Variants in TCIRG1 observed in about 807,000 individuals in gnomAD.
TCIRG1 encodes T cell immune regulator 1, ATPase H+ transporting V0 subunit a3, also known as V-type proton ATPase 116 kDa subunit a 3.
In TCIRG1, 86 loss-of-function variants were observed where a neutral mutation model predicts 95.5. The observed-to-expected ratio is 0.90, with a 90% CI of 0.76 to 1.08. The LOEUF (loss-of-function observed/expected upper bound fraction) is 1.08, where lower values mean the gene tolerates loss of function less well. Among genes scored for constraint, TCIRG1 ranks in the 50% least tolerant of loss-of-function variants. TCIRG1 has a pLI of 0.00. For synonymous variants in TCIRG1, 499 were observed against 501.3 expected, an observed-to-expected ratio of 1.00 and a Z score of 0.06; for missense variants, 1,069 against 1,140.2, an observed-to-expected ratio of 0.94 and a Z score of 0.90.
chr11:68,047,591 G>A lies in TCIRG1; in HGVS notation c.1305+19G>A, dbSNP rs1855567553. On this transcript the variant is annotated intron_variant, in intron 11 of 19. Transcript: ENST00000265686. The stretch of plus-strand genomic sequence containing the variant: ...GAACGAGGTGAGGGGCGGGGCTGGG[G>A]TCCTGATGAGGGTAGCAGGGCCAGG... 1.2e-6 allele frequency: 2 copies of A among 1,613,262 alleles called. No homozygotes were observed. Among genetic ancestry groups the A allele is most frequent in the Non-Finnish European group, 1.7e-6 (2 of 1,179,970 alleles).
chr11:68,050,903 C>T, downstream of TCIRG1: 5 of 1,446,542 alleles, frequency 3.5e-6, no homozygotes, highest in South Asian at 5.9e-5. Flanking sequence ...GCAGTGATGT[C>T]TCGTCTCTCT....
At chr11:68,043,793 C>T (rs779618775) in intron 7 of TCIRG1, 21 bp from the exon 8 acceptor site, 19 of 1,554,840 alleles carry the variant, frequency 1.2e-5, no homozygotes, top group East Asian at 2.4e-5. Context: ...TGGCCCCTCA[C>T]GCAGCGCATC....
chr11:68,049,417 A>G, intron 15 of TCIRG1, 123 bp downstream of exon 15: 1 of 1,130,336 alleles, frequency 8.8e-7, no homozygotes, highest in Non-Finnish European at 1.2e-6. Flanking sequence ...GGCCGTGCAG[A>G]CAGGGCCGTC....
intron 10 of TCIRG1, among the ~76,000 whole-genome samples, chr11:68,047,218 C>T (rs1283955874): frequency 7.3e-6 from 1 of 136,972 alleles, no homozygotes; most frequent in Non-Finnish European, 1.5e-5. Flanking sequence ...ACCGTGTGGG[C>T]CAGGCTGGTC....
chr11:68,053,732 G>C (rs1313350791), downstream of TCIRG1: 1 of 400,362 alleles, frequency 2.5e-6, no homozygotes. Context: ...TAGATTAAAA[G>C]GATTCAGAGA....
intron 13 of TCIRG1, 98 bp from the exon 14 acceptor site, chr11:68,048,781 G>A: frequency 2.1e-6 from 2 of 947,404 alleles, no homozygotes; most frequent in African/African-American, 1.6e-5. Context: ...GCTCCGAGGG[G>A]GAAAACAGGG....
At chr11:68,048,055 C>T (rs953586383) in intron 13 of TCIRG1, 83 bp downstream of exon 13, 15 of 1,258,596 alleles carry the variant, frequency 1.2e-5, no homozygotes, top group Non-Finnish European at 1.7e-5. Flanking sequence ...AGCCGTCCTG[C>T]AGCGCTGTCG....
rs1397166053 is a variant in TCIRG1 at position 68,047,444 on chromosome 11, A to G, written c.1177A>G (p.Ile393Val). Residue 393 changes from isoleucine (I) to valine (V), a missense_variant, in exon 11 of 20, where the codon ATC (isoleucine) becomes GTC (valine). Coordinates refer to ENST00000265686, the MANE Select transcript of TCIRG1 (RefSeq NM_006019.4). ...ACCTCTGCCCACAGCTCCCTACACCATCATCACCTTCCCCTTCCTGTTTGC... is the reference window on the plus strand; with the variant it reads ...ACCTCTGCCCACAGCTCCCTACACCGTCATCACCTTCCCCTTCCTGTTTGC... ...YQEVNPAPYT[I>V]ITFPFLFAVM... 4 of 1,613,860 alleles carry G rather than the reference A, an allele frequency of 2.5e-6. No individual in the cohort carries two copies. The highest frequency in any genetic ancestry group is 1.3e-5 in the African/African-American group (1 of 74,968).
At chr11:68,048,203 C>A in intron 13 of TCIRG1, 1 of 620,614 alleles carries the variant, frequency 1.6e-6, no homozygotes, top group Non-Finnish European at 2.9e-6. Context: ...CCTGAGTGTG[C>A]AGAGGCAAAG....
At chr11:68,051,173 ACT>A (rs750526085), downstream of TCIRG1, among the ~76,000 whole-genome samples, 22 of 151,952 alleles carry the variant, frequency 1.4e-4, no homozygotes, top group Non-Finnish European at 2.2e-4. Context: ...TGTCTGGGTT[ACT>A]CTCTGTTGGG....
chr11:68,042,725 C>T lies in TCIRG1; in HGVS notation c.279C>T (p.Asp93=), dbSNP rs1317016558. The stretch of plus-strand genomic sequence containing the variant: ...GGCTGCCGGCACCCCCACCCCGGGA[C>T]CTGCTGCGCATCCAGGAGGAGACGG... ...KGRLPAPPPR[D]LLRIQEETER... is the part of the protein sequence containing the mutation. Residue 93 remains aspartate (D), a synonymous_variant, in exon 4 of 20, where the codon GAC becomes GAT. Transcript: ENST00000265686. The T allele has an allele frequency of 2.6e-6, 4 of 1,546,776 alleles. No homozygotes were observed. Among genetic ancestry groups the T allele is most frequent in the Non-Finnish European group, 3.5e-6 (4 of 1,146,066 alleles).
Position 68,039,112 on chromosome 11 carries a change from C to T in TCIRG1, c.-12C>T, listed in dbSNP as rs1054406741. 2 of 152,382 alleles carry T rather than the reference C, an allele frequency of 1.3e-5. No homozygotes were observed. Among genetic ancestry groups the T allele is most frequent in the Non-Finnish European group, 2.9e-5 (2 of 68,182 alleles). The allele number at this position is 152,382 out of a possible 1,614,324, so 9.4% of individuals were successfully genotyped here. On this transcript the variant is annotated 5_prime_UTR_variant, in exon 1 of 20. Transcript: ENST00000265686. ...AGCAGCGGAGGCGCGGCGCGCAGCACACCCGGGGTGAGTGCCCCTGCCGGG... is the reference window on the plus strand; with the variant it reads ...AGCAGCGGAGGCGCGGCGCGCAGCATACCCGGGGTGAGTGCCCCTGCCGGG...
chr11:68,044,296 C>G lies in TCIRG1; in HGVS notation c.972C>G (p.Cys324Trp). 1.2e-6 allele frequency: 2 copies of G among 1,604,636 alleles called. No homozygotes were observed. Among genetic ancestry groups the G allele is most frequent in the Admixed American group, 3.4e-5 (2 of 59,054 alleles). The change falls in exon 9 of 20, where the codon TGC (cysteine) becomes TGG (tryptophan). Residue 324 changes from cysteine to tryptophan, a missense_variant. Coordinates refer to ENST00000265686, the MANE Select transcript of TCIRG1 (RefSeq NM_006019.4). ...AGTGCCTCATTGCCGAGGCCTGGTGCTCTGTGCGAGACCTGCCCGCCCTGC... is the reference window on the plus strand; with the variant it reads ...AGTGCCTCATTGCCGAGGCCTGGTGGTCTGTGCGAGACCTGCCCGCCCTGC... ...THKCLIAEAW[C>W]SVRDLPALQE...
chr11:68,048,806 C>T, intron 13 of TCIRG1, 73 bp from the exon 14 acceptor site: 1 of 1,106,828 alleles, frequency 9.0e-7, no homozygotes, highest in Non-Finnish European at 1.4e-6. Flanking sequence ...GAGAGAGTGA[C>T]TCGGGCCGGG....
rs1023904769 is a variant in TCIRG1 at position 68,049,797 on chromosome 11, G to A, written c.2013+9G>A. ...GGCCCGCTGACCGACAGGTGGGACC[G>A]GGGCCTAAGGTGTGGGGGGCTGCTT... is the stretch of plus-strand genomic sequence containing the variant. On this transcript the variant is annotated intron_variant, in intron 16 of 19. Coordinates refer to ENST00000265686, the MANE Select transcript of TCIRG1 (RefSeq NM_006019.4). 1.7e-5 allele frequency: 27 copies of A among 1,565,428 alleles called. No individual in the cohort carries two copies. Among genetic ancestry groups the A allele is most frequent in the Non-Finnish European group, 2.3e-5 (27 of 1,162,620 alleles).
chr11:68,042,889 TG>T (rs757015667), intron 4 of TCIRG1, 26 bp downstream of exon 4: 158 of 1,549,868 alleles, frequency 1.0e-4, no homozygotes, highest in Middle Eastern at 1.0e-3. Flanking sequence ...GGCAGGAGAC[TG>T]GGGGGCTGGG....
chr11:68,052,914 T>G (rs1225151094), downstream of TCIRG1: 1 of 152,388 alleles, frequency 6.6e-6, no homozygotes, highest in African/African-American at 2.4e-5. Context: ...CAGAAATATA[T>G]GCACAAAAAA....
Position 68,047,448 on chromosome 11 carries a change from T to C in TCIRG1, c.1181T>C (p.Ile394Thr), listed in dbSNP as rs1413003717. 34 of 1,613,908 alleles carry C rather than the reference T, an allele frequency of 2.1e-5. No homozygotes were observed. The highest frequency in any genetic ancestry group is 1.6e-4 in the Middle Eastern group (1 of 6,084). ...CTGCCCACAGCTCCCTACACCATCA[T>C]CACCTTCCCCTTCCTGTTTGCTGTG... ...QEVNPAPYTI[I>T]TFPFLFAVMF... is the part of the protein sequence containing the mutation. Residue 394 changes from isoleucine to threonine, a missense_variant, in exon 11 of 20, where the codon ATC (isoleucine) becomes ACC (threonine). Physicochemically the swap from Ile to Thr is moderately conservative, Grantham distance 89 (BLOSUM62 -1). Coordinates refer to ENST00000265686, the MANE Select transcript of TCIRG1 (RefSeq NM_006019.4).
At position 68,048,971 on chromosome 11, in the gene TCIRG1, G is replaced by A. The variant is rs1179623386; in HGVS notation, c.1647G>A (p.Gly549=). 1.9e-6 allele frequency: 3 copies of A among 1,613,728 alleles called. No individual in the cohort carries two copies. The highest frequency in any genetic ancestry group is 2.2e-5 in the East Asian group (1 of 44,886). ...TGGGCGTCGTGCACATGGCCTTTGGGGTGGTCCTCGGAGTCTTCAACCACG... is the reference window on the plus strand; with the variant it reads ...TGGGCGTCGTGCACATGGCCTTTGGAGTGGTCCTCGGAGTCTTCAACCACG... ...VILGVVHMAF[G]VVLGVFNHVH... The change falls in exon 14 of 20, where the codon GGG becomes GGA. Residue 549 remains glycine, a synonymous_variant. Transcript: ENST00000265686.
Sources: gnomAD v4.1 joint callset for allele counts (sites outside exome capture counted in the v4.1 genomes callset) on GRCh38, gnomAD v4.1.1 for gene constraint, MANE v1.5 for transcripts, NCBI Gene and HGNC (gene_info 2026-07-23, HGNC 2026-07-21) for gene names.